Variants in MGA observed in about 807,000 individuals in gnomAD.
The protein encoded by MGA is MAX gene-associated protein.
Under a neutral mutation model 261.1 loss-of-function variants are expected in MGA, and 40 were observed. That is an observed-to-expected ratio of 0.15 (90% CI 0.12 to 0.20). The LOEUF is 0.20. Ranked by LOEUF, MGA falls within the 10% of genes least tolerant of loss-of-function variation. The pLI, the probability that MGA is intolerant of heterozygous loss-of-function variation, is 1.00. For missense variants in MGA, 3,397 were observed against 3,630.5 expected (o/e 0.94, Z 1.65); for synonymous variants, 1,302 against 1,290.6 (o/e 1.01, Z -0.19).
At chr15:41,759,151 T>C (rs1004342551) in intron 19 of MGA, among the ~76,000 whole-genome samples, 2 of 152,138 alleles carry the variant, frequency 1.3e-5, no homozygotes, top group Non-Finnish European at 2.9e-5. Flanking sequence ...AAGGTAGAAT[T>C]CAAGTTGCTA....
At chr15:41,721,188 C>G (rs1352040251) in intron 9 of MGA, among the ~76,000 whole-genome samples, 1 of 152,142 alleles carries the variant, frequency 6.6e-6, no homozygotes, top group Non-Finnish European at 1.5e-5. Flanking sequence ...AATTCAGAGG[C>G]TGGGCACGGT....
intron 5 of MGA, among the ~76,000 whole-genome samples, chr15:41,705,254 C>T (rs2060047979): frequency 6.6e-6 from 1 of 151,790 alleles, no homozygotes; most frequent in Non-Finnish European, 1.5e-5. Flanking sequence ...TGTGAGCCAC[C>T]ATGTCCGGCC....
At position 41,725,854 on chromosome 15, in the gene MGA, A is replaced by T. The variant is rs1397443376; in HGVS notation, c.3431-1326A>T. 5.8e-5 allele frequency among the ~76,000 whole-genome samples: 7 copies of T among 120,432 alleles called. 3 individuals are homozygous for T. Among genetic ancestry groups the T allele is most frequent in the Admixed American group, 1.7e-4 (2 of 11,846 alleles). The allele number at this position is 120,432 out of a possible 152,430, so 79.0% of individuals were successfully genotyped here. On this transcript the variant is annotated intron_variant, in intron 9 of 23. Transcript: ENST00000219905. Reference sequence around the variant, plus strand: ...CGTCTCAAAAAAAAAAAAAAAAAAAAAATAAATAAATAAATAAATAAATAA... The same window carrying T: ...CGTCTCAAAAAAAAAAAAAAAAAAATAATAAATAAATAAATAAATAAATAA...
intron 2 of MGA, among the ~76,000 whole-genome samples, chr15:41,693,460 T>A (rs1221330363): frequency 6.6e-6 from 1 of 152,000 alleles, no homozygotes; most frequent in Non-Finnish European, 1.5e-5. Flanking sequence ...TGGAGGATTT[T>A]CAAGTAAGGT....
At chr15:41,682,907 G>A (rs1385327108) in intron 2 of MGA, among the ~76,000 whole-genome samples, 1 of 152,148 alleles carries the variant, frequency 6.6e-6, no homozygotes, top group Admixed American at 6.5e-5. Context: ...AGAATTTTAA[G>A]ATGTTTAAGT....
At chr15:41,754,363 G>A in intron 17 of MGA, 74 bp from the exon 18 acceptor site, 2 of 1,396,364 alleles carry the variant, frequency 1.4e-6, no homozygotes, top group South Asian at 1.6e-5. Context: ...TTTTATAAGG[G>A]GAACAAACAT....
intron 14 of MGA, among the ~76,000 whole-genome samples, chr15:41,741,271 C>T (rs980668773): frequency 4.6e-5 from 6 of 131,092 alleles, no homozygotes; most frequent in Middle Eastern, 6.0e-3. Flanking sequence ...CACTTGAACC[C>T]GGGAGGCAGA....
At chr15:41,672,205 G>A (rs902031538) in intron 2 of MGA, among the ~76,000 whole-genome samples, 2 of 152,168 alleles carry the variant, frequency 1.3e-5, no homozygotes, top group African/African-American at 4.8e-5. Context: ...CTTAGAATGG[G>A]TGCAGTAGTG....
intron 4 of MGA, 25 bp downstream of exon 4, chr15:41,698,966 G>A (rs1382434892): frequency 1.9e-6 from 3 of 1,545,372 alleles, no homozygotes; most frequent in East Asian, 2.4e-5. Context: ...TATAAAAAGA[G>A]TTGTATTTGT....
intron 9 of MGA, among the ~76,000 whole-genome samples, chr15:41,715,698 CCT>C (rs2060597791): frequency 6.6e-6 from 1 of 152,054 alleles, no homozygotes; most frequent in African/African-American, 2.4e-5. Context: ...CTCTTTCTGG[CCT>C]CTCCTGTTTT....
chr15:41,711,020 T>G lies in MGA; in HGVS notation c.2755T>G (p.Leu919Val), dbSNP rs780808996. The G allele has an allele frequency of 3.1e-6, 5 of 1,613,908 alleles. No individual in the cohort carries two copies. Among genetic ancestry groups the G allele is most frequent in the Non-Finnish European group, 4.2e-6 (5 of 1,179,896 alleles). ...AACTAAATCATCTTATAAATCCATT[T>G]TACCATACCCTGTTTCACCAAAGCA... Residue 919 changes from leucine (L) to valine (V), a missense_variant, in exon 8 of 24, where the codon TTA becomes GTA. By Grantham distance (32) the Leu-to-Val change is conservative (BLOSUM62 1). Coordinates refer to ENST00000219905, the MANE Select transcript of MGA (RefSeq NM_001164273.2).
rs2063954112 is a variant in MGA at position 41,769,631 on chromosome 15, T to G, written c.*2351T>G. On this transcript the variant is annotated 3_prime_UTR_variant, in exon 24 of 24. Transcript: ENST00000219905. Reference sequence around the variant, plus strand: ...GATCTATGAATATTACATGTGTGATTATGAAAGGTGAAGTTGAGTGAGAGG... The same window carrying G: ...GATCTATGAATATTACATGTGTGATGATGAAAGGTGAAGTTGAGTGAGAGG... 6.6e-6 allele frequency: 1 copy of G among 152,542 alleles called. No individual in the cohort carries two copies. The highest frequency in any genetic ancestry group is 2.4e-5 in the African/African-American group (1 of 41,404). 9.4% of individuals were successfully genotyped at this position (152,542 alleles called of 1,614,324 possible). A position where few individuals can be genotyped will look rare whatever the true frequency, so the allele number is the denominator to read the frequency against.
Position 41,761,815 on chromosome 15 carries a change from G to A in MGA, c.7475G>A (p.Arg2492Gln), listed in dbSNP as rs377036527. 5 of 1,592,242 alleles carry A rather than the reference G, an allele frequency of 3.1e-6. No individual in the cohort carries two copies. The highest frequency in any genetic ancestry group is 1.1e-5 in the South Asian group (1 of 87,170). The change falls in exon 21 of 24, where the codon CGG (arginine) becomes CAG (glutamine). Residue 2492 changes from arginine to glutamine, a missense_variant. Coordinates refer to ENST00000219905, the MANE Select transcript of MGA (RefSeq NM_001164273.2). Reference sequence around the variant, plus strand: ...CAGAAAAATCTCCTGACTCGAAAACGGAATATTCTGATACGGAAAGTATCG... The same window carrying A: ...CAGAAAAATCTCCTGACTCGAAAACAGAATATTCTGATACGGAAAGTATCG...
At chr15:41,625,712 AAAAT>A (rs2056433510) in intron 1 of MGA, among the ~76,000 whole-genome samples, 2 of 152,206 alleles carry the variant, frequency 1.3e-5, no homozygotes, top group South Asian at 2.1e-4. Flanking sequence ...TGTGTCCCAA[AAAAT>A]AAATAAATAA....
intron 9 of MGA, among the ~76,000 whole-genome samples, 153 bp downstream of exon 9, chr15:41,713,649 A>G (rs576971549): frequency 4.6e-5 from 7 of 152,190 alleles, no homozygotes; most frequent in African/African-American, 1.4e-4. Context: ...CTGACTGGCT[A>G]TCTGAGATGC....
At chr15:41,715,402 C>T (rs1397848118) in intron 9 of MGA, among the ~76,000 whole-genome samples, 2 of 152,032 alleles carry the variant, frequency 1.3e-5, no homozygotes, top group Non-Finnish European at 2.9e-5. Flanking sequence ...CCCACCTCGG[C>T]CTCCCAAAGG....
intron 8 of MGA, among the ~76,000 whole-genome samples, chr15:41,712,825 C>T (rs573290863): frequency 6.6e-6 from 1 of 152,298 alleles, no homozygotes; most frequent in African/African-American, 2.4e-5. Flanking sequence ...AGCCTGGTTG[C>T]GTTCCAGTGA....
chr15:41,629,519 C>T (rs1478701942), intron 1 of MGA, among the ~76,000 whole-genome samples: 1 of 151,724 alleles, frequency 6.6e-6, no homozygotes, highest in East Asian at 1.9e-4. Flanking sequence ...GGTGTTTAAA[C>T]ATATAGAACT....
chr15:41,728,188 G>A (rs1410759545), intron 10 of MGA, among the ~76,000 whole-genome samples: 2 of 152,072 alleles, frequency 1.3e-5, no homozygotes, highest in South Asian at 2.1e-4. Flanking sequence ...AAAATTAGCC[G>A]GGCGTGGTGG....
Sources: gnomAD v4.1 joint callset for allele counts (sites outside exome capture counted in the v4.1 genomes callset) on GRCh38, gnomAD v4.1.1 for gene constraint, MANE v1.5 for transcripts, NCBI Gene and HGNC (gene_info 2026-07-23, HGNC 2026-07-21) for gene names.